Variants in SLC4A10 observed in about 807,000 individuals in gnomAD.
SLC4A10 encodes the protein solute carrier family 4 member 10.
Under a neutral mutation model 137.7 loss-of-function variants are expected in SLC4A10, and 42 were observed. That is an observed-to-expected ratio of 0.30 (90% confidence interval 0.24 to 0.39). The LOEUF (loss-of-function observed/expected upper bound fraction) is 0.39. Among genes scored for constraint, SLC4A10 ranks in the 10% least tolerant of loss-of-function variants. The probability of loss-of-function intolerance (pLI) is 1.00; values close to 1 mark genes in which losing one functional copy is unlikely to be tolerated. For missense variants in SLC4A10, 925 were observed against 1,355.0 expected, an observed-to-expected ratio of 0.68 and a Z score of 4.98; for synonymous variants, 474 against 464.1, an observed-to-expected ratio of 1.02 and a Z score of -0.27.
At chr2:161,874,072 G>T (rs557940813) in intron 8 of SLC4A10, 67 bp downstream of exon 8, 1 of 1,437,154 alleles carries the variant, frequency 7.0e-7, no homozygotes, top group African/African-American at 1.4e-5. Context: ...GGAGGCATGT[G>T]ATTCAAACAT....
chr2:161,639,164 G>C (rs553169333), intron 1 of SLC4A10, among the ~76,000 whole-genome samples: 4 of 152,090 alleles, frequency 2.6e-5, no homozygotes, highest in Non-Finnish European at 4.4e-5. Flanking sequence ...GAAAAGCCCA[G>C]GTCCTAATGG....
rs568752817 is a variant in SLC4A10 at position 161,722,078 on chromosome 2, G to A, written c.49-48895G>A. 1.8e-4 allele frequency among the ~76,000 whole-genome samples: 27 copies of A among 152,196 alleles called. 1 individual carries two copies. In the South Asian group the frequency reaches 5.2e-3, roughly 29 times the overall value. ...TCTAAACTGTTTATTCTGGTTAACA[G>A]CTCCTGTTTTATCATGGTTCTTCAC... On this transcript the variant is annotated intron_variant, in intron 1 of 26. Coordinates refer to ENST00000446997, the MANE Select transcript of SLC4A10 (RefSeq NM_001178015.2).
intron 1 of SLC4A10, among the ~76,000 whole-genome samples, chr2:161,717,766 A>C (rs2045097422): frequency 6.6e-6 from 1 of 151,958 alleles, no homozygotes; most frequent in Non-Finnish European, 1.5e-5. Flanking sequence ...TATTTGTTAT[A>C]TCTCTCCCAG....
chr2:161,867,823 A>G (rs1325174912), intron 6 of SLC4A10, among the ~76,000 whole-genome samples: 5 of 151,794 alleles, frequency 3.3e-5, no homozygotes, highest in Admixed American at 6.6e-5. Flanking sequence ...TAACTTTGTC[A>G]TTCATCTTTA....
At position 161,862,956 on chromosome 2, in the gene SLC4A10, G is replaced by T. The variant is rs781602212; in HGVS notation, c.660G>T (p.Gln220His). 3.1e-6 allele frequency: 5 copies of T among 1,613,604 alleles called. No individual in the cohort carries two copies. The African/African-American group carries it at 5.3e-5, about 17-fold the overall frequency. ...RHRVHEALMKQHHHQNQKKLT... is the reference protein window; with the variant it reads ...RHRVHEALMKHHHHQNQKKLT... ...GGGTCCATGAGGCATTGATGAAACA[G>T]CATCATCATCAGAATCAGAAAAAAC... Residue 220 changes from glutamine (Q) to histidine (H), a missense_variant, in exon 6 of 27, where the codon CAG becomes CAT. Around this residue, in one of 11 missense-constraint regions of SLC4A10, gnomAD observed 277 missense variants for 306.1 expected, o/e 0.90. Coordinates refer to ENST00000446997, the MANE Select transcript of SLC4A10 (RefSeq NM_001178015.2).
chr2:161,874,769 T>G (rs754495250), intron 8 of SLC4A10, among the ~76,000 whole-genome samples: 5 of 152,232 alleles, frequency 3.3e-5, no homozygotes, highest in Non-Finnish European at 5.9e-5. Flanking sequence ...ATCCCAACTC[T>G]GGCATTATAA....
intron 1 of SLC4A10, among the ~76,000 whole-genome samples, chr2:161,661,232 T>G (rs2038348370): frequency 6.6e-6 from 1 of 152,040 alleles, no homozygotes; most frequent in South Asian, 2.1e-4. Context: ...CCCAGCACTT[T>G]GGGAGGCTGA....
rs1182783744 is a variant in SLC4A10, at chr2:161,798,038, A to T, written c.131-6411A>T. Among the ~76,000 whole-genome samples, 4 of 152,066 alleles carry T rather than the reference A, an allele frequency of 2.6e-5. 1 individual carries two copies. The South Asian group carries it at 8.3e-4, about 31-fold the overall frequency. ...AAAACAACACAAGGAACAATGGCAC[A>T]GTAGCCTAGTAATACCTCTTTGCTA... is the stretch of plus-strand genomic sequence containing the variant. On this transcript the variant is annotated intron_variant, in intron 2 of 26. Coordinates refer to ENST00000446997, the MANE Select transcript of SLC4A10 (RefSeq NM_001178015.2).
chr2:161,876,685 A>T (rs2061469075), intron 8 of SLC4A10, among the ~76,000 whole-genome samples: 2 of 152,166 alleles, frequency 1.3e-5, no homozygotes, highest in Non-Finnish European at 1.5e-5. Flanking sequence ...CCCTGTCTCA[A>T]AAACTTAACC....
chr2:161,802,072 T>A (rs2055428645), intron 2 of SLC4A10, among the ~76,000 whole-genome samples: 1 of 152,124 alleles, frequency 6.6e-6, no homozygotes, highest in African/African-American at 2.4e-5. Context: ...GGTAAAGGGC[T>A]TTTTGTGCAT....
intron 1 of SLC4A10, among the ~76,000 whole-genome samples, chr2:161,690,446 A>G (rs35100979): frequency 0.01 from 1,525 of 152,322 alleles, 11 homozygotes; most frequent in Non-Finnish European, 0.016. Flanking sequence ...ATTACTGGCT[A>G]CATACCCAAA....
intron 1 of SLC4A10, among the ~76,000 whole-genome samples, chr2:161,673,966 G>A (rs2040013961): frequency 1.3e-5 from 2 of 152,018 alleles, no homozygotes; most frequent in South Asian, 4.1e-4. Context: ...CTCCAGCCTG[G>A]GTGACACAGC....
chr2:161,846,409 G>A (rs1192104533), intron 4 of SLC4A10, among the ~76,000 whole-genome samples: 1 of 152,144 alleles, frequency 6.6e-6, no homozygotes, highest in Non-Finnish European at 1.5e-5. Context: ...ATGGAAAACA[G>A]TTTGACAGTT....
intron 1 of SLC4A10, among the ~76,000 whole-genome samples, chr2:161,731,749 C>T (rs995080076): frequency 2.0e-5 from 3 of 152,058 alleles, no homozygotes; most frequent in African/African-American, 7.2e-5. Context: ...GGGTTACAAG[C>T]TTAACCCATG....
chr2:161,932,224 T>C (rs1690534044), intron 15 of SLC4A10, among the ~76,000 whole-genome samples: 1 of 152,180 alleles, frequency 6.6e-6, no homozygotes, highest in Non-Finnish European at 1.5e-5. Context: ...CAGATATGTA[T>C]GAGCAGAACA....
intron 2 of SLC4A10, among the ~76,000 whole-genome samples, chr2:161,781,423 G>A (rs967659764): frequency 6.6e-6 from 1 of 151,918 alleles, no homozygotes; most frequent in Non-Finnish European, 1.5e-5. Context: ...ACCAGAAAAT[G>A]TTCTATATAA....
chr2:161,974,420 T>C, intron 24 of SLC4A10, 104 bp downstream of exon 24: 2 of 857,638 alleles, frequency 2.3e-6, no homozygotes, highest in Non-Finnish European at 3.2e-6. Context: ...TTTCTTGAAA[T>C]TGTATAAGAG....
At chr2:161,938,608 T>C (rs1403561672) in intron 15 of SLC4A10, among the ~76,000 whole-genome samples, 1 of 151,336 alleles carries the variant, frequency 6.6e-6, no homozygotes, top group South Asian at 2.1e-4. Context: ...ATAATCCAAA[T>C]ATCTTGGGCA....
intron 3 of SLC4A10, among the ~76,000 whole-genome samples, chr2:161,823,867 A>G (rs991720081): frequency 1.1e-4 from 16 of 152,348 alleles, no homozygotes; most frequent in African/African-American, 3.6e-4. Context: ...GAATAGGCTA[A>G]CTACTGTTTT....
Sources: allele counts gnomAD v4.1 joint callset (sites outside exome capture counted in the v4.1 genomes callset), GRCh38; gene constraint gnomAD v4.1.1; regional missense constraint gnomAD v4.1.1; transcripts MANE v1.5; gene names NCBI Gene and HGNC (gene_info 2026-07-23, HGNC 2026-07-21).